Variants in PRRX1 observed in about 807,000 individuals in gnomAD.
PRRX1 encodes the protein paired mesoderm homeobox protein 1.
Under a neutral mutation model 24.0 loss-of-function variants are expected in PRRX1, and 8 were observed. The ratio of observed to expected loss-of-function variants is 0.33; its 90% confidence interval spans 0.20 to 0.60. The LOEUF (loss-of-function observed/expected upper bound fraction) is 0.60. Among genes scored for constraint, PRRX1 ranks in the 20% least tolerant of loss-of-function variants. The pLI, the probability that PRRX1 is intolerant of heterozygous loss-of-function variation, is 0.82. For missense variants in PRRX1, 281 were observed against 322.4 expected (o/e 0.87, Z 0.98); for synonymous variants, 160 against 131.7 (o/e 1.22, Z -1.47).
chr1:170,675,494 A>G (rs941117181), intron 1 of PRRX1, among the ~76,000 whole-genome samples: 1 of 152,136 alleles, frequency 6.6e-6, no homozygotes, highest in Non-Finnish European at 1.5e-5. Context: ...GCTTTTTGAA[A>G]GAAAGAAGGA....
rs369431688 is a variant in PRRX1 at position 170,735,439 on chromosome 1, G to A, written c.600-609G>A. On this transcript the variant is annotated intron_variant, in intron 3 of 3. Coordinates refer to ENST00000239461, the MANE Select transcript of PRRX1 (RefSeq NM_022716.4). Reference sequence around the variant, plus strand: ...TGAGGAGGTTTTAAAATCAAGGCCAGTGGCTTAGTAACCTCTTGATTCAGC... The same window carrying A: ...TGAGGAGGTTTTAAAATCAAGGCCAATGGCTTAGTAACCTCTTGATTCAGC... 7.2e-5 allele frequency among the ~76,000 whole-genome samples: 11 copies of A among 152,294 alleles called. No homozygotes were observed. In the East Asian group the frequency reaches 1.5e-3, roughly 21 times the overall value.
intron 1 of PRRX1, chr1:170,669,505 C>T (rs1051070645): frequency 2.7e-5 from 4 of 146,606 alleles, no homozygotes; most frequent in African/African-American, 1.0e-4. Context: ...TTGAATGTCT[C>T]TCCCAGCCAG....
intron 3 of PRRX1, among the ~76,000 whole-genome samples, chr1:170,734,852 A>G (rs1655553066): frequency 6.6e-6 from 1 of 152,174 alleles, no homozygotes; most frequent in South Asian, 2.1e-4. Context: ...GGTGTCCCAA[A>G]TAAGTATCAA....
chr1:170,666,472 G>C (rs1187127057), intron 1 of PRRX1, among the ~76,000 whole-genome samples: 1 of 148,660 alleles, frequency 6.7e-6, no homozygotes. Flanking sequence ...GTAGACCCCA[G>C]CTTCACCAAT....
chr1:170,701,188 T>C (rs1359021345), intron 1 of PRRX1, among the ~76,000 whole-genome samples: 1 of 152,218 alleles, frequency 6.6e-6, no homozygotes, highest in African/African-American at 2.4e-5. Flanking sequence ...TAAGTTACAG[T>C]TGATCCTTCC....
At chr1:170,730,450 CA>C (rs1486044888) in intron 3 of PRRX1, 2 of 949,990 alleles carry the variant, frequency 2.1e-6, no homozygotes, top group Non-Finnish European at 3.3e-6. Flanking sequence ...GAAATTTCAG[CA>C]GTGAAGTCCT....
At chr1:170,688,410 T>A (rs1475624156) in intron 1 of PRRX1, among the ~76,000 whole-genome samples, 2 of 152,098 alleles carry the variant, frequency 1.3e-5, no homozygotes, top group Non-Finnish European at 2.9e-5. Flanking sequence ...ATAGAATTTT[T>A]AAAAATTTAC....
chr1:170,667,155 G>A (rs778460063), intron 1 of PRRX1, among the ~76,000 whole-genome samples: 10 of 152,174 alleles, frequency 6.6e-5, no homozygotes, highest in Non-Finnish European at 1.3e-4. Flanking sequence ...GACCCAGAAA[G>A]GAAACTGAGG....
rs188526193 is a variant in PRRX1 at position 170,671,258 on chromosome 1, G to T, written c.241+6799G>T. On this transcript the variant is annotated intron_variant, in intron 1 of 3. Transcript: ENST00000239461. ...GTTGACATAGGAGTCGGAACAGGGG[G>T]CTCTTTTTGGATCTCACCTTTACTG... Among the ~76,000 whole-genome samples, 139 of 152,350 alleles carry T rather than the reference G, an allele frequency of 9.1e-4. No individual in the cohort carries two copies. In the Middle Eastern group the frequency reaches 0.017, roughly 19 times the overall value.
chr1:170,712,538 A>G (rs1294089702), intron 1 of PRRX1, among the ~76,000 whole-genome samples: 2 of 152,226 alleles, frequency 1.3e-5, no homozygotes, highest in Non-Finnish European at 2.9e-5. Flanking sequence ...GAGTAAAGGT[A>G]CAGCAGCAAT....
chr1:170,689,735 G>A (rs187720466), intron 1 of PRRX1, among the ~76,000 whole-genome samples: 1 of 151,844 alleles, frequency 6.6e-6, no homozygotes, highest in African/African-American at 2.4e-5. Flanking sequence ...AGTGAGGTGG[G>A]GAGTGCATGG....
chr1:170,698,500 G>C (rs1654249241), intron 1 of PRRX1, among the ~76,000 whole-genome samples: 1 of 152,082 alleles, frequency 6.6e-6, no homozygotes, highest in Non-Finnish European at 1.5e-5. Flanking sequence ...CACTATTCAG[G>C]GTTTAGAAAG....
intron 2 of PRRX1, among the ~76,000 whole-genome samples, chr1:170,725,374 C>T (rs999793545): frequency 2.6e-5 from 4 of 152,166 alleles, no homozygotes; most frequent in African/African-American, 9.7e-5. Flanking sequence ...TTCCCTTGAA[C>T]CCTACAATTA....
chr1:170,682,041 A>T (rs1653564014), intron 1 of PRRX1, among the ~76,000 whole-genome samples: 3 of 152,058 alleles, frequency 2.0e-5, no homozygotes, highest in Admixed American at 6.5e-5. Flanking sequence ...TTCCTAGGAA[A>T]CCTCCAAAAG....
chr1:170,674,357 G>T (rs1028171956), intron 1 of PRRX1, among the ~76,000 whole-genome samples: 2 of 152,106 alleles, frequency 1.3e-5, no homozygotes. Flanking sequence ...TCTCATTTTG[G>T]CTTCTCTGAC....
At chr1:170,683,443 A>G (rs1324560315) in intron 1 of PRRX1, among the ~76,000 whole-genome samples, 1 of 152,106 alleles carries the variant, frequency 6.6e-6, no homozygotes, top group Non-Finnish European at 1.5e-5. Context: ...GACCTAGGAC[A>G]TTCATCTTTC....
At chr1:170,730,542 G>A (rs1252617158) in intron 3 of PRRX1, 1 of 571,318 alleles carries the variant, frequency 1.8e-6, no homozygotes, top group African/African-American at 1.9e-5. Flanking sequence ...CTAATCTAGA[G>A]CAGGGCTCTT....
rs11455495 is a variant in PRRX1, at chr1:170,685,886, AT to A, written c.241+21437del. Among the ~76,000 whole-genome samples the A allele has an allele frequency of 1.3e-4, 20 of 150,246 alleles. No homozygotes were observed. In the South Asian group the frequency reaches 2.5e-3, roughly 19 times the overall value. ...TGTGAATGCAACTTGAGTGTAATTG[AT>A]TTTTTTTTTACAAGTCAGACTATTG... is the stretch of plus-strand genomic sequence containing the variant. On this transcript the variant is annotated intron_variant, in intron 1 of 3. Coordinates refer to ENST00000239461, the MANE Select transcript of PRRX1 (RefSeq NM_022716.4).
chr1:170,670,794 A>G (rs1339201405), intron 1 of PRRX1, among the ~76,000 whole-genome samples: 1 of 152,188 alleles, frequency 6.6e-6, no homozygotes, highest in Non-Finnish European at 1.5e-5. Context: ...GAAAGAAAAT[A>G]AAGAAAACAT....
Sources: gnomAD v4.1 joint callset for allele counts (sites outside exome capture counted in the v4.1 genomes callset) on GRCh38, gnomAD v4.1.1 for gene constraint, MANE v1.5 for transcripts, NCBI Gene and HGNC (gene_info 2026-07-23, HGNC 2026-07-21) for gene names.